CELF2: variants seen among roughly 807,000 people sequenced by gnomAD.
CELF2 encodes CUG triplet repeat RNA-binding protein 2.
CELF2 carries 8 observed loss-of-function variants against 62.6 expected under a neutral mutation model. The ratio of observed to expected loss-of-function variants is 0.13; its 90% CI spans 0.07 to 0.23. The LOEUF (loss-of-function observed/expected upper bound fraction) is 0.23, where lower values mean the gene tolerates loss of function less well. Among genes scored for constraint, CELF2 ranks in the 10% least tolerant of loss-of-function variants. CELF2 has a pLI of 1.00. For missense variants in CELF2, 333 were observed against 671.0 expected (o/e 0.50, Z 5.56); for synonymous variants, 258 against 250.0 (o/e 1.03, Z -0.30).
chr10:10,657,247 A>G, the CELF2 span, among the ~76,000 whole-genome samples: 3 of 152,204 alleles, frequency 2.0e-5, no homozygotes, highest in African/African-American at 7.2e-5. Context: ...CTGGTAGCTT[A>G]TGATTTGCTG....
chr10:10,686,316 G>C, the CELF2 span, among the ~76,000 whole-genome samples: 1 of 70,510 alleles, frequency 1.4e-5, no homozygotes, highest in African/African-American at 5.7e-5. Flanking sequence ...TTTTTGGGGG[G>C]GGGGGTGGGG....
At chr10:10,583,373 T>C in the CELF2 span, among the ~76,000 whole-genome samples, 1 of 152,190 alleles carries the variant, frequency 6.6e-6, no homozygotes, top group African/African-American at 2.4e-5. Flanking sequence ...CTCACCTACA[T>C]TGTCCATGAG....
chr10:10,671,483 G>A, the CELF2 span, among the ~76,000 whole-genome samples: 2 of 152,158 alleles, frequency 1.3e-5, no homozygotes, highest in Non-Finnish European at 2.9e-5. Context: ...TAGAAAGAAT[G>A]TGTATAGTTT....
rs187231005 is a variant in CELF2 at position 11,305,916 on chromosome 10, C to G, written c.977-8223C>G. 1.3e-5 allele frequency among the ~76,000 whole-genome samples: 2 copies of G among 152,344 alleles called. No homozygotes were observed. Among genetic ancestry groups the G allele is most frequent in the East Asian group, 1.9e-4 (1 of 5,170 alleles). On this transcript the variant is annotated intron_variant, in intron 9 of 12. Coordinates refer to ENST00000633077, the MANE Select transcript of CELF2 (RefSeq NM_001326342.2). This position sits in a 1 kb window ranked among gnomAD's most constrained non-coding sequence, Gnocchi z 4.8. ...CACCTCGCTTTTCCTGTTCTCCACACCCCACCCTGCCCCACAAACAGTTTT... is the reference window on the plus strand; with the variant it reads ...CACCTCGCTTTTCCTGTTCTCCACAGCCCACCCTGCCCCACAAACAGTTTT...
intron 1 of CELF2, among the ~76,000 whole-genome samples, chr10:10,902,933 G>A (rs949653049): frequency 2.1e-5 from 3 of 142,096 alleles, no homozygotes; most frequent in Non-Finnish European, 3.1e-5. Flanking sequence ...AGGGAAAAGC[G>A]GGAGGAAGGA....
the CELF2 span, among the ~76,000 whole-genome samples, chr10:10,766,111 C>T: frequency 2.5e-3 from 378 of 152,344 alleles, 2 homozygotes; most frequent in African/African-American, 8.6e-3. Context: ...GAACTTCTAA[C>T]TTGGTGGAAA....
chr10:10,871,248 C>T (rs1480168331), intron 1 of CELF2, among the ~76,000 whole-genome samples: 1 of 152,138 alleles, frequency 6.6e-6, no homozygotes, highest in Non-Finnish European at 1.5e-5. Context: ...CCTGAGCATT[C>T]CTCATTAGGA....
chr10:11,114,853 A>C (rs148069292), intron 1 of CELF2, among the ~76,000 whole-genome samples: 7 of 152,228 alleles, frequency 4.6e-5, no homozygotes, highest in Non-Finnish European at 1.0e-4. Context: ...CAACCAAAAC[A>C]TACAACTAAA....
chr10:10,574,897 T>TA, the CELF2 span, among the ~76,000 whole-genome samples: 212 of 138,228 alleles, frequency 1.5e-3, 1 homozygote, highest in Middle Eastern at 7.5e-3. Flanking sequence ...TTTTTTTTTT[T>TA]AATAGAGATG....
chr10:10,676,678 G>A, the CELF2 span, among the ~76,000 whole-genome samples: 1 of 152,172 alleles, frequency 6.6e-6, no homozygotes, highest in African/African-American at 2.4e-5. Flanking sequence ...TTCCATGGAG[G>A]TTTCTGCTCC....
the CELF2 span, among the ~76,000 whole-genome samples, chr10:10,658,986 A>T: frequency 1.3e-5 from 2 of 152,312 alleles, no homozygotes; most frequent in Admixed American, 1.3e-4. Context: ...TCATAAACAG[A>T]TCTGCATAAC....
chr10:11,014,046 C>T (rs1473558182), upstream of CELF2, among the ~76,000 whole-genome samples: 2 of 152,232 alleles, frequency 1.3e-5, no homozygotes, highest in Non-Finnish European at 2.9e-5. Flanking sequence ...AATCCCCTCA[C>T]AGGGCCTGTA....
At chr10:11,041,334 A>G (rs975752456) in intron 1 of CELF2, among the ~76,000 whole-genome samples, 10 of 152,190 alleles carry the variant, frequency 6.6e-5, no homozygotes, top group African/African-American at 2.4e-4. Flanking sequence ...ATGTAGAGTA[A>G]GATCCCGAGA....
At chr10:10,668,464 C>G in the CELF2 span, among the ~76,000 whole-genome samples, 1 of 152,164 alleles carries the variant, frequency 6.6e-6, no homozygotes, top group South Asian at 2.1e-4. Context: ...AGGTACAGTT[C>G]CATGGTACGA....
chr10:10,803,968 T>C (rs2054940468), intron 1 of CELF2, among the ~76,000 whole-genome samples: 1 of 152,216 alleles, frequency 6.6e-6, no homozygotes, highest in African/African-American at 2.4e-5. Flanking sequence ...GTGGAATGAA[T>C]GAATTGACTG....
the CELF2 span, among the ~76,000 whole-genome samples, chr10:10,488,604 C>A: frequency 6.6e-6 from 1 of 152,056 alleles, no homozygotes; most frequent in South Asian, 2.1e-4. Flanking sequence ...GAAACTAATG[C>A]ACAAGGAGAT....
intron 1 of CELF2, among the ~76,000 whole-genome samples, chr10:10,916,801 TG>T (rs1186348079): frequency 6.6e-6 from 1 of 152,052 alleles, no homozygotes; most frequent in African/African-American, 2.4e-5. Context: ...TTAGTACAGA[TG>T]GGGTTTTACC....
At chr10:10,512,193 C>G in the CELF2 span, among the ~76,000 whole-genome samples, 1 of 152,120 alleles carries the variant, frequency 6.6e-6, no homozygotes, top group Admixed American at 6.5e-5. Context: ...TAGCATGCCT[C>G]CTCCTCACTC....
At chr10:10,506,670 ATTTTTT>A in the CELF2 span, among the ~76,000 whole-genome samples, 304 of 64,554 alleles carry the variant, frequency 4.7e-3, 3 homozygotes, top group African/African-American at 0.016. Flanking sequence ...CCTCCTGTGA[ATTTTTT>A]TTTTTTTTTT....
Sources: allele counts gnomAD v4.1 joint callset (sites outside exome capture counted in the v4.1 genomes callset), GRCh38; gene constraint gnomAD v4.1.1; non-coding constraint Gnocchi (gnomAD v3.1); transcripts MANE v1.5; gene names NCBI Gene and HGNC (gene_info 2026-07-23, HGNC 2026-07-21).